Variants in EPHX1 observed in about 807,000 individuals in gnomAD.
The protein encoded by EPHX1 is epoxide hydrolase 1.
In EPHX1, 40 loss-of-function variants were observed where a neutral mutation model predicts 43.2. The ratio of observed to expected loss-of-function variants is 0.93; its 90% confidence interval spans 0.72 to 1.21. EPHX1 has a LOEUF of 1.21. Among genes scored for constraint, EPHX1 ranks in the 50% most tolerant of loss-of-function variants. The pLI, the probability that EPHX1 is intolerant of heterozygous loss-of-function variation, is 0.00. For missense variants in EPHX1, 550 were observed against 570.4 expected (o/e 0.96, Z 0.36); for synonymous variants, 221 against 226.7 (o/e 0.98, Z 0.22).
At chr1:225,839,372 T>A in intron 5 of EPHX1, 26 bp downstream of exon 5, 1 of 1,172,464 alleles carries the variant, frequency 8.5e-7, no homozygotes, top group Middle Eastern at 2.3e-4. Flanking sequence ...GGGTGGTGTG[T>A]GTGTGTGTGT....
At chr1:225,832,486 G>A (rs1351510653) in intron 3 of EPHX1, among the ~76,000 whole-genome samples, 4 of 152,380 alleles carry the variant, frequency 2.6e-5, no homozygotes, top group Admixed American at 2.6e-4. Flanking sequence ...AGTGAGCCAA[G>A]ATCGCGCCAC....
In EPHX1 at chr1:225,833,955, G is replaced by A. The variant is rs539160592; in HGVS notation, c.364+1996G>A. Among the ~76,000 whole-genome samples the A allele has an allele frequency of 8.8e-5, 13 of 148,218 alleles. No homozygotes were observed. The South Asian group carries it at 1.3e-3, about 15-fold the overall frequency. On this transcript the variant is annotated intron_variant, in intron 3 of 8. Coordinates refer to ENST00000272167, the MANE Select transcript of EPHX1 (RefSeq NM_001136018.4). Reference sequence around the variant, plus strand: ...CTACTAAAAATACAAAAAATTAGCCGGGCGTGGTGGCAGGCGCCTGTGGTC... The same window carrying A: ...CTACTAAAAATACAAAAAATTAGCCAGGCGTGGTGGCAGGCGCCTGTGGTC...
chr1:225,820,892 C>T (rs947471237), intron 1 of EPHX1, among the ~76,000 whole-genome samples: 2 of 152,066 alleles, frequency 1.3e-5, no homozygotes, highest in African/African-American at 4.8e-5. Flanking sequence ...TGAGCTCCTA[C>T]AGTTACAGGG....
intron 1 of EPHX1, among the ~76,000 whole-genome samples, chr1:225,823,089 T>TA (rs1667051416): frequency 6.6e-6 from 1 of 152,158 alleles, no homozygotes; most frequent in Non-Finnish European, 1.5e-5. Flanking sequence ...CAGATGCAGC[T>TA]ACTGAGCTTA....
At chr1:225,828,464 A>G (rs1198460146) in intron 1 of EPHX1, among the ~76,000 whole-genome samples, 1 of 151,404 alleles carries the variant, frequency 6.6e-6, no homozygotes, top group Non-Finnish European at 1.5e-5. Context: ...AAAGCTTAGT[A>G]GGATTGTGGG....
intron 1 of EPHX1, among the ~76,000 whole-genome samples, chr1:225,818,432 G>C (rs1339594252): frequency 1.3e-5 from 2 of 152,098 alleles, no homozygotes; most frequent in African/African-American, 4.8e-5. Context: ...TGCTGGGATA[G>C]GTCAGGAGAG....
intron 1 of EPHX1, among the ~76,000 whole-genome samples, chr1:225,821,565 C>CTTTTTTTTTTT (rs869228485): frequency 4.3e-5 from 3 of 69,860 alleles, no homozygotes; most frequent in Non-Finnish European, 7.6e-5. Context: ...TTTTTTGGTT[C>CTTTTTTTTTTT]TTTTTTTTTT....
intron 1 of EPHX1, among the ~76,000 whole-genome samples, chr1:225,827,272 C>T (rs372891032): frequency 4.6e-5 from 7 of 152,066 alleles, no homozygotes; most frequent in Admixed American, 6.6e-5. Flanking sequence ...GCTGCTGGGG[C>T]GTGGTTTGCA....
intron 1 of EPHX1, among the ~76,000 whole-genome samples, chr1:225,812,579 C>T (rs12066647): frequency 7.9e-5 from 12 of 152,234 alleles, no homozygotes; most frequent in African/African-American, 2.9e-4. Context: ...CACAGTGCCC[C>T]TCCTGTCGAC....
chr1:225,842,412 A>G lies in EPHX1; in HGVS notation c.978A>G (p.Leu326=). 6.2e-7 allele frequency: 1 copy of G among 1,614,126 alleles called. No individual in the cohort carries two copies. Among genetic ancestry groups the G allele is most frequent in the Non-Finnish European group, 8.5e-7 (1 of 1,179,974 alleles). The change falls in exon 7 of 9, where the codon CTA becomes CTG. Residue 326 remains leucine, a synonymous_variant. Coordinates refer to ENST00000272167, the MANE Select transcript of EPHX1 (RefSeq NM_001136018.4). ...DSPVGLAAYI[L]EKFSTWTNTE... ...CTGTGGGTCTGGCTGCCTATATTCT[A>G]GAGAAGTTTTCCACCTGGACCAATA...
At position 225,836,386 on chromosome 1, in the gene EPHX1, T is replaced by C. The variant is rs183811871; in HGVS notation, c.365-2268T>C. ...AGGTGGGAGGATGGCTTGAGCCCAG[T>C]AGTTTGAGACCAGCCTGGGCAACAT... On this transcript the variant is annotated intron_variant, in intron 3 of 8. Coordinates refer to ENST00000272167, the MANE Select transcript of EPHX1 (RefSeq NM_001136018.4). 3.3e-5 allele frequency among the ~76,000 whole-genome samples: 5 copies of C among 152,200 alleles called. No homozygotes were observed. The East Asian group carries it at 9.7e-4, about 29-fold the overall frequency.
At chr1:225,831,689 A>T in intron 2 of EPHX1, 90 bp from the exon 3 acceptor site, 1 of 1,325,268 alleles carries the variant, frequency 7.5e-7, no homozygotes, top group Non-Finnish European at 1.1e-6. Context: ...TTGTGGCTGC[A>T]GGGTTTGCTG....
intron 1 of EPHX1, among the ~76,000 whole-genome samples, chr1:225,823,384 G>A (rs1489738261): frequency 6.6e-6 from 1 of 152,186 alleles, no homozygotes; most frequent in African/African-American, 2.4e-5. Context: ...GTCAAAGGTT[G>A]TCAGAGTTGC....
intron 2 of EPHX1, among the ~76,000 whole-genome samples, chr1:225,830,402 C>A (rs1230077615): frequency 6.6e-6 from 1 of 152,162 alleles, no homozygotes; most frequent in Non-Finnish European, 1.5e-5. Context: ...GAACTTCCTC[C>A]CTCTGGGGCT....
chr1:225,841,638 G>T (rs1273725720), intron 6 of EPHX1, among the ~76,000 whole-genome samples: 11 of 125,040 alleles, frequency 8.8e-5, no homozygotes, highest in African/African-American at 3.5e-4. Context: ...GTCTTGCTCT[G>T]TTGCCCAGGC....
chr1:225,834,619 A>AT (rs1052229559), intron 3 of EPHX1, among the ~76,000 whole-genome samples: 3 of 149,184 alleles, frequency 2.0e-5, no homozygotes, highest in Non-Finnish European at 4.5e-5. Flanking sequence ...ATCTGGAATG[A>AT]TTTTTTGGAT....
intron 7 of EPHX1, among the ~76,000 whole-genome samples, chr1:225,843,977 G>A (rs1253377613): frequency 6.6e-6 from 1 of 152,190 alleles, no homozygotes; most frequent in Non-Finnish European, 1.5e-5. Flanking sequence ...GGCGTGCTCT[G>A]GGGAAAGTGG....
At chr1:225,837,234 A>G (rs186691042) in intron 3 of EPHX1, among the ~76,000 whole-genome samples, 5 of 152,246 alleles carry the variant, frequency 3.3e-5, no homozygotes, top group African/African-American at 1.2e-4. Context: ...TTTCTACAGT[A>G]AACATGTATT....
intron 1 of EPHX1, among the ~76,000 whole-genome samples, chr1:225,826,168 G>A (rs779497401): frequency 8.5e-5 from 13 of 152,194 alleles, no homozygotes; most frequent in South Asian, 4.1e-4. Context: ...GGGATTGAAA[G>A]ATGAAAGCCA....
Sources: allele counts gnomAD v4.1 joint callset (sites outside exome capture counted in the v4.1 genomes callset), GRCh38; gene constraint gnomAD v4.1.1; transcripts MANE v1.5; gene names NCBI Gene and HGNC (gene_info 2026-07-23, HGNC 2026-07-21).